Variants in GLI2 observed in about 807,000 individuals in gnomAD.
GLI2 encodes the protein transcription activator GLI2.
GLI2 carries 22 observed loss-of-function variants against 78.9 expected under a neutral mutation model. That is an observed-to-expected ratio of 0.28 (90% CI 0.20 to 0.40). GLI2 has a LOEUF of 0.40. GLI2 is among the 10% of genes least tolerant of loss of function. The pLI, the probability that GLI2 is intolerant of heterozygous loss-of-function variation, is 1.00. For missense variants in GLI2, 2,097 were observed against 2,213.2 expected, an observed-to-expected ratio of 0.95 and a Z score of 1.05; for synonymous variants, 974 against 963.7, an observed-to-expected ratio of 1.01 and a Z score of -0.20.
At chr2:120,764,078 G>T (rs550538762) in intron 1 of GLI2, among the ~76,000 whole-genome samples, 11 of 152,210 alleles carry the variant, frequency 7.2e-5, no homozygotes, top group Non-Finnish European at 1.5e-4. Context: ...TTGTGCACTG[G>T]GCAGAAGCCC....
In GLI2 at chr2:120,927,483, G is replaced by A; in HGVS notation, c.254+17G>A. On this transcript the variant is annotated intron_variant, in intron 3 of 13. Transcript: ENST00000361492. ...TGTGCACGGGTAAGTCCTGCCCTCTGCCTGCTGCTCCTGGCGTGCAGTCAC... is the reference window on the plus strand; with the variant it reads ...TGTGCACGGGTAAGTCCTGCCCTCTACCTGCTGCTCCTGGCGTGCAGTCAC... The A allele has an allele frequency of 6.5e-7, 1 of 1,548,932 alleles. No homozygotes were observed. Among genetic ancestry groups the A allele is most frequent in the Non-Finnish European group, 8.9e-7 (1 of 1,120,762 alleles).
chr2:120,972,801 G>A (rs1018953007), intron 8 of GLI2: 3 of 457,446 alleles, frequency 6.6e-6, no homozygotes, highest in Non-Finnish European at 1.3e-5. Flanking sequence ...CCACAGCCCA[G>A]TGCAGGCCTA....
In GLI2 at chr2:120,949,284, T is replaced by C. The variant is rs191219948; in HGVS notation, c.255-1959T>C. Among the ~76,000 whole-genome samples the C allele has an allele frequency of 5.9e-3, 903 of 152,338 alleles. 7 individuals are homozygous for C. The highest frequency in any genetic ancestry group is 0.021 in the African/African-American group (877 of 41,580). The stretch of plus-strand genomic sequence containing the variant: ...CCCACCTCTACAGGCAGGCTGTGAG[T>C]GAGAACGTCTTGAGGTTGTGACTTG... On this transcript the variant is annotated intron_variant, in intron 3 of 13. Transcript: ENST00000361492.
At chr2:120,929,656 T>C (rs912286673) in intron 3 of GLI2, among the ~76,000 whole-genome samples, 11 of 152,222 alleles carry the variant, frequency 7.2e-5, no homozygotes, top group African/African-American at 2.7e-4. Flanking sequence ...GATTTGGCCG[T>C]TGGGGTCCCT....
intron 2 of GLI2, among the ~76,000 whole-genome samples, chr2:120,843,631 CAG>C (rs1389850635): frequency 1.3e-5 from 2 of 152,152 alleles, no homozygotes; most frequent in African/African-American, 4.8e-5. Flanking sequence ...CCACGGGCGT[CAG>C]AGGGGCTCTG....
rs1179705704 is a variant in GLI2, at chr2:120,951,424, A to C, written c.436A>C (p.Arg146=). ...CACGCTCTCCATGATCTCTGCAGCC[A>C]GGGGCCTCAGCCCCGCTGATGGTGA... ...SPTLSMISAA[R]GLSPADVAQE... Residue 146 remains arginine, a synonymous_variant, in exon 4 of 14, where the codon AGG becomes CGG. Transcript: ENST00000361492. 3 of 1,612,448 alleles carry C rather than the reference A, an allele frequency of 1.9e-6. No individual in the cohort carries two copies. Among genetic ancestry groups the C allele is most frequent in the East Asian group, 4.5e-5 (2 of 44,850 alleles).
chr2:120,746,057 C>T (rs528586304), intron 1 of GLI2, among the ~76,000 whole-genome samples: 1 of 152,308 alleles, frequency 6.6e-6, no homozygotes, highest in African/African-American at 2.4e-5. Flanking sequence ...GACCTGGTGC[C>T]CAGCCCATCT....
chr2:120,742,689 G>T (rs199828863), intron 1 of GLI2, among the ~76,000 whole-genome samples: 2 of 59,068 alleles, frequency 3.4e-5, no homozygotes, highest in African/African-American at 9.7e-5. Context: ...TAAAAAAAAA[G>T]GAAAGAGGGA....
chr2:120,983,946 G>GGGTGTGTGTGTGTGT (rs112474343), intron 11 of GLI2, among the ~76,000 whole-genome samples: 2 of 143,124 alleles, frequency 1.4e-5, no homozygotes, highest in East Asian at 2.1e-4. Flanking sequence ...TGGTGTGTGG[G>GGGTGTGTGTGTGTGT]GTGTGTGTGT....
At chr2:120,947,173 T>C (rs2104937344) in intron 3 of GLI2, among the ~76,000 whole-genome samples, 1 of 152,302 alleles carries the variant, frequency 6.6e-6, no homozygotes, top group South Asian at 2.1e-4. Context: ...TGAGCCCTGC[T>C]TACCACCAAC....
chr2:120,764,435 TA>T (rs142757434), intron 1 of GLI2, among the ~76,000 whole-genome samples: 1 of 152,014 alleles, frequency 6.6e-6, no homozygotes, highest in Non-Finnish European at 1.5e-5. Context: ...TTTAATCTTT[TA>T]AAAAAAAGAG....
chr2:120,809,223 T>C (rs1046005941), intron 2 of GLI2, among the ~76,000 whole-genome samples: 1 of 152,170 alleles, frequency 6.6e-6, no homozygotes, highest in Admixed American at 6.5e-5. Flanking sequence ...TATACACAAA[T>C]GAACCTCGCA....
At chr2:120,764,256 C>T (rs1683302969) in intron 1 of GLI2, among the ~76,000 whole-genome samples, 1 of 152,196 alleles carries the variant, frequency 6.6e-6, no homozygotes, top group African/African-American at 2.4e-5. Flanking sequence ...CACCTTCCAC[C>T]GTGCTGGGGA....
intron 5 of GLI2, among the ~76,000 whole-genome samples, chr2:120,962,201 T>A (rs1429671827): frequency 6.6e-6 from 1 of 152,134 alleles, no homozygotes; most frequent in East Asian, 1.9e-4. Context: ...GGAACCTGGG[T>A]CTGCCTGAGT....
intron 2 of GLI2, among the ~76,000 whole-genome samples, chr2:120,832,601 G>T (rs1308527999): frequency 6.6e-6 from 1 of 152,208 alleles, no homozygotes; most frequent in Non-Finnish European, 1.5e-5. Flanking sequence ...GCAGACCTCA[G>T]GCCCTTTGGG....
chr2:120,890,506 C>A (rs994856055), intron 2 of GLI2, among the ~76,000 whole-genome samples: 1 of 151,950 alleles, frequency 6.6e-6, no homozygotes, highest in South Asian at 2.1e-4. Flanking sequence ...TACATACCTG[C>A]GTGCAAGTAA....
chr2:120,753,627 G>A (rs1558780526), intron 1 of GLI2, among the ~76,000 whole-genome samples: 1 of 151,906 alleles, frequency 6.6e-6, no homozygotes, highest in African/African-American at 2.4e-5. Flanking sequence ...GGCTGGGCGC[G>A]GTGGCTCAAG....
At chr2:120,886,732 G>A (rs990383757) in intron 2 of GLI2, among the ~76,000 whole-genome samples, 2 of 152,232 alleles carry the variant, frequency 1.3e-5, no homozygotes, top group African/African-American at 4.8e-5. Flanking sequence ...GAGTGGGACT[G>A]CGGTAGCCTG....
chr2:120,763,528 C>G (rs756650096), intron 1 of GLI2, among the ~76,000 whole-genome samples: 2 of 152,250 alleles, frequency 1.3e-5, no homozygotes, highest in Non-Finnish European at 1.5e-5. Context: ...GCAGCCAAGA[C>G]CAGGCATCCA....
Sources: allele counts gnomAD v4.1 joint callset (sites outside exome capture counted in the v4.1 genomes callset), GRCh38; gene constraint gnomAD v4.1.1; transcripts MANE v1.5; gene names NCBI Gene and HGNC (gene_info 2026-07-23, HGNC 2026-07-21).